Variants in PRR14L observed in about 807,000 individuals in gnomAD.
PRR14L encodes protein PRR14L.
PRR14L carries 80 observed loss-of-function variants against 155.0 expected under a neutral mutation model. The observed-to-expected ratio is 0.52, with a 90% CI of 0.43 to 0.62. The LOEUF (loss-of-function observed/expected upper bound fraction) is 0.62. Ranked by LOEUF, PRR14L falls within the 20% of genes least tolerant of loss-of-function variation. The pLI is 0.00. For missense variants in PRR14L, 2,469 were observed against 2,548.0 expected, an observed-to-expected ratio of 0.97 and a Z score of 0.67; for synonymous variants, 883 against 916.0, an observed-to-expected ratio of 0.96 and a Z score of 0.65.
chr22:31,743,375 A>T (rs142104654), intron 1 of PRR14L, among the ~76,000 whole-genome samples: 2 of 152,324 alleles, frequency 1.3e-5, no homozygotes, highest in African/African-American at 4.8e-5. Context: ...CTTGAGTAAT[A>T]AAAATGTTCT....
Position 31,704,636 on chromosome 22 carries a change from C to T in PRR14L, c.5828+19G>A. 6.2e-7 allele frequency: 1 copy of T among 1,608,638 alleles called. No individual in the cohort carries two copies. Among genetic ancestry groups the T allele is most frequent in the East Asian group, 2.2e-5 (1 of 44,846 alleles). On this transcript the variant is annotated intron_variant, in intron 5 of 8. Transcript: ENST00000327423. Reference sequence around the variant, plus strand: ...ACACACGCACACGCGCACACACACGCTGAGTCTCATGTGCTTACCTCGTCT... The same window carrying T: ...ACACACGCACACGCGCACACACACGTTGAGTCTCATGTGCTTACCTCGTCT...
At chr22:31,719,080 C>T (rs544198578) in intron 3 of PRR14L, among the ~76,000 whole-genome samples, 1 of 150,856 alleles carries the variant, frequency 6.6e-6, no homozygotes, top group East Asian at 2.0e-4. Context: ...TCTCAAAAAA[C>T]AAAGAACAAA....
chr22:31,713,354 T>C lies in PRR14L; in HGVS notation c.4485A>G (p.Ala1495=). 2 of 1,552,244 alleles carry C rather than the reference T, an allele frequency of 1.3e-6. No homozygotes were observed. The highest frequency in any genetic ancestry group is 8.7e-7 in the Non-Finnish European group (1 of 1,147,106). ...CACACCCAGCAGAGGAGGGGTCTTG[T>C]GCTTTCCGAGGGGCACCAAGAAGGC... ...SPCLLGAPRK[A]QDPSSAGCDQ... The change falls in exon 4 of 9, where the codon GCA becomes GCG. Residue 1495 remains alanine, a synonymous_variant. Coordinates refer to ENST00000327423, the MANE Select transcript of PRR14L (RefSeq NM_173566.3).
At position 31,682,060 on chromosome 22, in the gene PRR14L, A is replaced by G. The variant is rs2074457022; in HGVS notation, c.*3467T>C. On this transcript the variant is annotated 3_prime_UTR_variant, in exon 9 of 9. Coordinates refer to ENST00000327423, the MANE Select transcript of PRR14L (RefSeq NM_173566.3). ...TGGTCTTTCGCAGATCTTAATGTAC[A>G]TGGCATTGATTATGAGACGGAATTC... 4 of 152,226 alleles carry G rather than the reference A, an allele frequency of 2.6e-5. No individual in the cohort carries two copies. Among genetic ancestry groups the G allele is most frequent in the Admixed American group, 2.6e-4 (4 of 15,282 alleles). The allele number at this position is 152,226 out of a possible 1,614,324, so 9.4% of individuals were successfully genotyped here.
chr22:31,700,600 A>T (rs1420974229), intron 7 of PRR14L, among the ~76,000 whole-genome samples: 1 of 152,206 alleles, frequency 6.6e-6, no homozygotes, highest in Admixed American at 6.6e-5. Context: ...CTTGTTGCCC[A>T]GGCTGGAGTG....
Position 31,715,496 on chromosome 22 carries a change from T to A in PRR14L, c.2343A>T (p.Gln781His). The change falls in exon 4 of 9, where the codon CAA becomes CAT. Residue 781 changes from glutamine to histidine, a missense_variant. By Grantham distance (24) the Gln-to-His change is conservative. Transcript: ENST00000327423. ...VVSVIECHSV[Q>H]SQDISSCHRV... ...GATGACAGCTAGAGATATCCTGAGA[T>A]TGAACGCTGTGACATTCTATGACAG... The A allele has an allele frequency of 6.4e-7, 1 of 1,552,304 alleles. No individual in the cohort carries two copies. Among genetic ancestry groups the A allele is most frequent in the Non-Finnish European group, 8.7e-7 (1 of 1,147,088 alleles).
At chr22:31,736,164 A>G (rs2147874798) in intron 2 of PRR14L, among the ~76,000 whole-genome samples, 1 of 149,906 alleles carries the variant, frequency 6.7e-6, no homozygotes, top group South Asian at 2.1e-4. Context: ...GCTTGCAGTG[A>G]GCTGAGATTG....
intron 7 of PRR14L, among the ~76,000 whole-genome samples, chr22:31,699,172 G>C (rs1042546509): frequency 6.2e-4 from 94 of 152,198 alleles, no homozygotes; most frequent in African/African-American, 2.2e-3. Context: ...GAGTAGCTGG[G>C]ATTACAGGCG....
At chr22:31,688,091 G>T in intron 8 of PRR14L, 65 bp downstream of exon 8, 1 of 1,462,752 alleles carries the variant, frequency 6.8e-7, no homozygotes, top group Non-Finnish European at 9.3e-7. Context: ...TAAAGTGAAA[G>T]GGCTGGAGAT....
At position 31,716,862 on chromosome 22, in the gene PRR14L, G is replaced by A. The variant is rs372706580; in HGVS notation, c.977C>T (p.Thr326Ile). The change falls in exon 4 of 9, where the codon ACA becomes ATA. Residue 326 changes from threonine (T) to isoleucine (I), a missense_variant. By Grantham distance (89) the Thr-to-Ile change is moderately conservative. Coordinates refer to ENST00000327423, the MANE Select transcript of PRR14L (RefSeq NM_173566.3). ...HGHHNEQPSS[T>I]HDSPTATSPL... ...GCTTGTGGCTGTGGGACTATCATGT[G>A]TAGAACTGGGTTGTTCATTATGGTG... is the stretch of plus-strand genomic sequence containing the variant. 1.3e-6 allele frequency: 2 copies of A among 1,551,842 alleles called. No homozygotes were observed. Among genetic ancestry groups the A allele is most frequent in the African/African-American group, 2.7e-5 (2 of 73,060 alleles).
Position 31,715,180 on chromosome 22 carries a change from T to C in PRR14L, c.2659A>G (p.Asn887Asp), listed in dbSNP as rs1391940884. The change falls in exon 4 of 9, where the codon AAC becomes GAC. Residue 887 changes from asparagine to aspartate, a missense_variant. By Grantham distance (23) the Asn-to-Asp change is conservative. Coordinates refer to ENST00000327423, the MANE Select transcript of PRR14L (RefSeq NM_173566.3). ...CTACTGGAGGTGTGAATGGTTTTGTTTGAAATTCCACTATTTAACAAGCCT... is the reference window on the plus strand; with the variant it reads ...CTACTGGAGGTGTGAATGGTTTTGTCTGAAATTCCACTATTTAACAAGCCT... ...VAGLLNSGISNKTIHTSSSIK... is the reference protein window; with the variant it reads ...VAGLLNSGISDKTIHTSSSIK... 1 of 1,552,102 alleles carries C rather than the reference T, an allele frequency of 6.4e-7. No individual in the cohort carries two copies. The highest frequency in any genetic ancestry group is 8.7e-7 in the Non-Finnish European group (1 of 1,147,056).
At position 31,714,203 on chromosome 22, in the gene PRR14L, ACTTT is replaced by A; in HGVS notation, c.3632_3635del (p.Glu1211ValfsTer21). The A allele has an allele frequency of 6.4e-7, 1 of 1,551,542 alleles. No individual in the cohort carries two copies. On this transcript the variant is annotated frameshift_variant, in exon 4 of 9. Coordinates refer to ENST00000327423, the MANE Select transcript of PRR14L (RefSeq NM_173566.3). LOFTEE classifies it high-confidence loss of function. ...ACTCTTTTGAGGAAATTCCAAAGGT[ACTTT>A]CTTTGCCAAACTCAGAGTTTGGTTC...
chr22:31,741,828 C>T (rs1053820532), intron 1 of PRR14L, among the ~76,000 whole-genome samples: 16 of 151,668 alleles, frequency 1.1e-4, no homozygotes, highest in African/African-American at 3.9e-4. Flanking sequence ...GCCAAGATCA[C>T]GCTACTGCAC....
chr22:31,741,922 T>C (rs868031880), intron 1 of PRR14L, among the ~76,000 whole-genome samples: 12 of 152,186 alleles, frequency 7.9e-5, no homozygotes, highest in Non-Finnish European at 1.0e-4. Flanking sequence ...AATCTTCCCC[T>C]TTCTCCTTTA....
chr22:31,732,362 C>T (rs551748778), intron 2 of PRR14L, among the ~76,000 whole-genome samples: 1 of 152,282 alleles, frequency 6.6e-6, no homozygotes, highest in South Asian at 2.1e-4. Flanking sequence ...CCACCATTCC[C>T]TAAACAGGAG....
chr22:31,726,617 T>TA (rs1420815601), intron 2 of PRR14L, among the ~76,000 whole-genome samples: 8 of 152,178 alleles, frequency 5.3e-5, no homozygotes, highest in Non-Finnish European at 1.0e-4. Flanking sequence ...CAAATGTTAC[T>TA]ATTCTCTGCT....
In PRR14L at chr22:31,738,353, C is replaced by T. The variant is rs766904550; in HGVS notation, c.474+34G>A. 145 of 1,511,526 alleles carry T rather than the reference C, an allele frequency of 9.6e-5. No homozygotes were observed. The African/African-American group carries it at 1.8e-3, about 19-fold the overall frequency. 93.6% of individuals were successfully genotyped at this position (1,511,526 alleles called of 1,614,324 possible). A position where few individuals can be genotyped will look rare whatever the true frequency, so the allele number is the denominator to read the frequency against. ...TATCCAGAGAAAGCTGTCATTCACA[C>T]TCAACTCTTCGGAATGGAGATTTCA... On this transcript the variant is annotated intron_variant, in intron 2 of 8. Transcript: ENST00000327423.
chr22:31,712,451 A>C lies in PRR14L; in HGVS notation c.5388T>G (p.Pro1796=), dbSNP rs1269812058. The part of the protein sequence containing the change: ...SQTHTQAPPQ[P]PAPLQDYGGT... ...CTCCATAGTCTTGGAGAGGAGCTGG[A>C]GGCTGGGGAGGAGCCTGAGTGTGGG... Residue 1796 remains proline (P), a synonymous_variant, in exon 4 of 9, where the codon CCT becomes CCG. Coordinates refer to ENST00000327423, the MANE Select transcript of PRR14L (RefSeq NM_173566.3). 1 of 1,555,880 alleles carries C rather than the reference A, an allele frequency of 6.4e-7. No individual in the cohort carries two copies. Among genetic ancestry groups the C allele is most frequent in the African/African-American group, 1.4e-5 (1 of 73,306 alleles).
intron 7 of PRR14L, among the ~76,000 whole-genome samples, chr22:31,691,356 G>C (rs1488764005): frequency 6.6e-6 from 1 of 152,016 alleles, no homozygotes; most frequent in Non-Finnish European, 1.5e-5. Flanking sequence ...GCCTCCCAAA[G>C]TGCTGGGATT....
Sources: gnomAD v4.1 joint callset for allele counts (sites outside exome capture counted in the v4.1 genomes callset) on GRCh38, gnomAD v4.1.1 for gene constraint, MANE v1.5 for transcripts, NCBI Gene and HGNC (gene_info 2026-07-23, HGNC 2026-07-21) for gene names.